The following C1QTNF3 variants were observed in gnomAD, a reference collection of about 807,000 sequenced individuals.
The protein encoded by C1QTNF3 is C1q and TNF related 3.
A neutral mutation model predicts 32.6 loss-of-function variants in C1QTNF3; 26 were observed. The observed-to-expected ratio is 0.80, with a 90% CI of 0.58 to 1.11. The LOEUF is 1.11. C1QTNF3 is among the 50% of genes least tolerant of loss of function. The pLI is 0.00. For missense variants in C1QTNF3, 362 were observed against 398.2 expected, an observed-to-expected ratio of 0.91 and a Z score of 0.77; for synonymous variants, 155 against 146.0, an observed-to-expected ratio of 1.06 and a Z score of -0.44.
the C1QTNF3 span, among the ~76,000 whole-genome samples, chr5:34,176,585 G>T: frequency 2.6e-5 from 4 of 152,096 alleles, no homozygotes; most frequent in East Asian, 7.7e-4. Context: ...ACACTAGAAG[G>T]AAAAATACGT....
chr5:34,054,569 C>T, the C1QTNF3 span, among the ~76,000 whole-genome samples: 1 of 152,188 alleles, frequency 6.6e-6, no homozygotes, highest in African/African-American at 2.4e-5. Context: ...AGCCCACAGG[C>T]CATAATTTGC....
At chr5:34,118,384 T>C in the C1QTNF3 span, among the ~76,000 whole-genome samples, 15 of 152,280 alleles carry the variant, frequency 9.9e-5, no homozygotes, top group East Asian at 1.2e-3. Flanking sequence ...CGGCCTATCA[T>C]GTGAATTTGA....
the C1QTNF3 span, among the ~76,000 whole-genome samples, chr5:34,220,371 G>C: frequency 6.6e-6 from 1 of 152,006 alleles, no homozygotes; most frequent in East Asian, 1.9e-4. Context: ...AAAGGTCAAA[G>C]TAATGAGCTT....
intron 5 of C1QTNF3, 76 bp downstream of exon 5, chr5:34,023,833 G>T: frequency 8.5e-7 from 1 of 1,176,950 alleles, no homozygotes; most frequent in Non-Finnish European, 1.3e-6. Flanking sequence ...ACTCCTATAC[G>T]CTTCCCTGTC....
At chr5:34,127,739 C>T in the C1QTNF3 span, among the ~76,000 whole-genome samples, 1 of 151,720 alleles carries the variant, frequency 6.6e-6, no homozygotes, top group Non-Finnish European at 1.5e-5. Context: ...AGGCATGCAC[C>T]ACCACGCCCT....
the C1QTNF3 span, among the ~76,000 whole-genome samples, chr5:34,140,625 C>T: frequency 6.6e-6 from 1 of 152,108 alleles, no homozygotes; most frequent in Non-Finnish European, 1.5e-5. Context: ...ATTTGGTGTT[C>T]TCAGGACATC....
the C1QTNF3 span, among the ~76,000 whole-genome samples, chr5:34,218,923 C>CTAT: frequency 6.6e-6 from 1 of 152,112 alleles, no homozygotes; most frequent in Non-Finnish European, 1.5e-5. Flanking sequence ...ACTGATGATT[C>CTAT]TATTTTATTA....
chr5:34,040,501 C>T (rs568775485), intron 1 of C1QTNF3, among the ~76,000 whole-genome samples: 23 of 152,170 alleles, frequency 1.5e-4, no homozygotes, highest in African/African-American at 5.5e-4. Flanking sequence ...AAAGAGGCTA[C>T]AGAGAAGAAA....
At chr5:34,023,636 G>C (rs1179249386) in intron 5 of C1QTNF3, among the ~76,000 whole-genome samples, 3 of 152,172 alleles carry the variant, frequency 2.0e-5, no homozygotes, top group Admixed American at 1.3e-4. Context: ...AAAATAATGA[G>C]TTATAAAAAT....
the C1QTNF3 span, chr5:34,106,378 G>A: frequency 6.6e-6 from 1 of 151,504 alleles, no homozygotes; most frequent in Non-Finnish European, 1.5e-5. Flanking sequence ...AGAGGCAACT[G>A]GCTATTAAAG....
the C1QTNF3 span, chr5:34,175,893 A>C: frequency 2.5e-6 from 2 of 810,842 alleles, no homozygotes; most frequent in Admixed American, 1.7e-5. Flanking sequence ...TTTTTGATTG[A>C]GACCCAGATG....
rs1754285349 is a variant in C1QTNF3 at position 34,020,008 on chromosome 5, C to A, written c.*575G>T. ...TGGTCAAGCACTTTATAGCTAAAAT[C>A]TATTGACTTTAAAATAGCATTGTAT... On this transcript the variant is annotated 3_prime_UTR_variant, in exon 6 of 6. Coordinates refer to ENST00000382065, the MANE Select transcript of C1QTNF3 (RefSeq NM_181435.6). 6.6e-6 allele frequency: 1 copy of A among 152,590 alleles called. No homozygotes were observed. The highest frequency in any genetic ancestry group is 2.1e-4 in the South Asian group (1 of 4,852). The allele number at this position is 152,590 out of a possible 1,614,324, so 9.5% of individuals were successfully genotyped here.
chr5:34,122,621 A>G, the C1QTNF3 span, among the ~76,000 whole-genome samples: 1 of 152,242 alleles, frequency 6.6e-6, no homozygotes, highest in Non-Finnish European at 1.5e-5. Context: ...CCAAAAGGGA[A>G]GCAGAACTTC....
the C1QTNF3 span, among the ~76,000 whole-genome samples, chr5:34,223,704 T>C: frequency 2.0e-5 from 3 of 152,104 alleles, no homozygotes; most frequent in South Asian, 2.1e-4. Context: ...TTTTTAATGA[T>C]TGCCATTCTA....
the C1QTNF3 span, among the ~76,000 whole-genome samples, chr5:34,231,321 C>T: frequency 6.6e-6 from 1 of 152,052 alleles, no homozygotes; most frequent in African/African-American, 2.4e-5. Flanking sequence ...TATGCATCAA[C>T]ATAGATATTT....
the C1QTNF3 span, among the ~76,000 whole-genome samples, chr5:34,075,285 C>G: frequency 6.6e-6 from 1 of 151,550 alleles, no homozygotes; most frequent in Non-Finnish European, 1.5e-5. Context: ...TATATCTAGT[C>G]TACCATCAAA....
At chr5:34,023,012 T>A (rs375490830) in intron 5 of C1QTNF3, among the ~76,000 whole-genome samples, 1 of 151,912 alleles carries the variant, frequency 6.6e-6, no homozygotes, top group Non-Finnish European at 1.5e-5. Flanking sequence ...CCTGCCACCA[T>A]GCCCGGGTAA....
the C1QTNF3 span, among the ~76,000 whole-genome samples, chr5:34,147,793 T>C: frequency 6.6e-6 from 1 of 152,202 alleles, no homozygotes; most frequent in Non-Finnish European, 1.5e-5. Context: ...CAGACTTGTA[T>C]ATGTACCCTC....
chr5:34,058,400 T>C, the C1QTNF3 span, among the ~76,000 whole-genome samples: 26 of 152,250 alleles, frequency 1.7e-4, no homozygotes, highest in South Asian at 4.1e-3. Context: ...AGGAGCAAGA[T>C]GGAGACTTGT....
Sources: gnomAD v4.1 joint callset for allele counts (sites outside exome capture counted in the v4.1 genomes callset) on GRCh38, gnomAD v4.1.1 for gene constraint, MANE v1.5 for transcripts, NCBI Gene and HGNC (gene_info 2026-07-23, HGNC 2026-07-21) for gene names.